The following VAV2 variants were observed in gnomAD, a reference collection of about 807,000 sequenced individuals.
VAV2 encodes the protein guanine nucleotide exchange factor VAV2.
Under a neutral mutation model 132.5 loss-of-function variants are expected in VAV2, and 67 were observed. The ratio of observed to expected loss-of-function variants is 0.51; its 90% confidence interval spans 0.42 to 0.62. The LOEUF is 0.62. Among genes scored for constraint, VAV2 ranks in the 20% least tolerant of loss-of-function variants. The pLI, the probability that VAV2 is intolerant of heterozygous loss-of-function variation, is 0.00. For synonymous variants in VAV2, 492 were observed against 443.5 expected, an observed-to-expected ratio of 1.11 and a Z score of -1.37; for missense variants, 938 against 1,153.6, an observed-to-expected ratio of 0.81 and a Z score of 2.71.
At position 133,919,790 on chromosome 9, in the gene VAV2, G is replaced by GT. The variant is rs1377579457; in HGVS notation, c.321+19312_321+19313insA. On this transcript the variant is annotated intron_variant, in intron 2 of 29. Coordinates refer to ENST00000371850, the MANE Select transcript of VAV2 (RefSeq NM_001134398.2). The surrounding 1 kb of genome is among the most constrained non-coding windows in gnomAD (Gnocchi z 5.8). ...TTGGCATCCGTGAGGCAGAGACATG[G>GT]AAGATGGAAGGTCCCCGCTGCCCCG... is the stretch of plus-strand genomic sequence containing the variant. Among the ~76,000 whole-genome samples, 1 of 152,168 alleles carries GT rather than the reference G, an allele frequency of 6.6e-6. No individual in the cohort carries two copies. Among genetic ancestry groups the GT allele is most frequent in the Non-Finnish European group, 1.5e-5 (1 of 68,018 alleles).
Position 133,838,327 on chromosome 9 carries a change from G to A in VAV2, c.381-3987C>T, listed in dbSNP as rs140760183. 8.6e-5 allele frequency among the ~76,000 whole-genome samples: 13 copies of A among 151,606 alleles called. No individual in the cohort carries two copies. In the South Asian group the frequency reaches 2.1e-3, roughly 24 times the overall value. ...GCCTCTGCCTAGCACAGTGCCTGGC[G>A]CTAGAAAGGCATGGATGAGTACATG... On this transcript the variant is annotated intron_variant, in intron 3 of 29. Transcript: ENST00000371850.
chr9:133,811,578 G>A (rs376654405), intron 5 of VAV2, among the ~76,000 whole-genome samples: 168 of 152,304 alleles, frequency 1.1e-3, no homozygotes, highest in African/African-American at 3.6e-3. Flanking sequence ...ATAAACCCAC[G>A]CGGAGCAAAC....
chr9:133,914,784 GGAGAGGAGGAGGAGA>G (rs1244034934), intron 2 of VAV2, among the ~76,000 whole-genome samples: 46 of 127,194 alleles, frequency 3.6e-4, no homozygotes, highest in South Asian at 6.7e-4. Context: ...GGACGGGAGG[GGAGAGGAGGAGGAGA>G]GGGGAAGGGA....
chr9:133,908,596 C>G (rs1009358581), intron 2 of VAV2, among the ~76,000 whole-genome samples: 1 of 152,110 alleles, frequency 6.6e-6, no homozygotes, highest in Non-Finnish European at 1.5e-5. Flanking sequence ...GCACCCTGCA[C>G]CAAGCCCAGA....
chr9:133,987,808 C>T (rs1164114200), intron 1 of VAV2, among the ~76,000 whole-genome samples: 4 of 152,176 alleles, frequency 2.6e-5, no homozygotes, highest in East Asian at 3.8e-4. Context: ...TGTGGCCATA[C>T]CCAATTAGTT....
At chr9:133,876,363 G>A (rs559892209) in intron 2 of VAV2, among the ~76,000 whole-genome samples, 2 of 152,266 alleles carry the variant, frequency 1.3e-5, no homozygotes, top group African/African-American at 4.8e-5. Context: ...GCGCTGTGGA[G>A]ACAAGAGTGG....
intron 3 of VAV2, among the ~76,000 whole-genome samples, chr9:133,845,753 G>C (rs1014687229): frequency 5.3e-5 from 8 of 152,232 alleles, no homozygotes; most frequent in Admixed American, 4.6e-4. Flanking sequence ...TATTCTCTCT[G>C]AGTCCACTGG....
At position 133,770,242 on chromosome 9, in the gene VAV2, G is replaced by A. The variant is rs182648760; in HGVS notation, c.2347+136C>T. The A allele has an allele frequency of 4.7e-3, 6,488 of 1,380,114 alleles. 76 individuals are homozygous for A. The Admixed American group carries it at 0.049, about 10-fold the overall frequency. 85.5% of individuals were successfully genotyped at this position (1,380,114 alleles called of 1,614,324 possible). A position where few individuals can be genotyped will look rare whatever the true frequency, so the allele number is the denominator to read the frequency against. ...ACATGACAGCATCTGCGATGGCTGG[G>A]GGAGGGGCGGGGGCTGTGTTCCCCA... On this transcript the variant is annotated intron_variant, in intron 27 of 29. Transcript: ENST00000371850.
chr9:133,846,446 G>C (rs1422161215), intron 3 of VAV2, among the ~76,000 whole-genome samples: 1 of 152,224 alleles, frequency 6.6e-6, no homozygotes, highest in African/African-American at 2.4e-5. Context: ...AGCCCCTTGA[G>C]GCCAGGCAGG....
At chr9:133,990,259 G>A (rs1002937705) in intron 1 of VAV2, among the ~76,000 whole-genome samples, 12 of 152,106 alleles carry the variant, frequency 7.9e-5, no homozygotes, top group Non-Finnish European at 1.6e-4. Flanking sequence ...CGGCCCAGCA[G>A]CGGGACCCCT....
At chr9:133,947,992 C>T (rs569878797) in intron 1 of VAV2, among the ~76,000 whole-genome samples, 8 of 152,192 alleles carry the variant, frequency 5.3e-5, no homozygotes, top group East Asian at 2.0e-4. Flanking sequence ...GCTTTCCCCA[C>T]GTTGGCCAGG....
At chr9:133,927,293 CT>C (rs1234413827) in intron 2 of VAV2, among the ~76,000 whole-genome samples, 4 of 152,192 alleles carry the variant, frequency 2.6e-5, no homozygotes, top group Non-Finnish European at 5.9e-5. Context: ...CCTCGGGACC[CT>C]TCTCAGCTGA....
At chr9:133,845,759 A>G (rs12341505) in intron 3 of VAV2, among the ~76,000 whole-genome samples, 20,870 of 152,240 alleles carry the variant, frequency 0.14, 1,542 homozygotes, top group African/African-American at 0.18. Context: ...CTCTGAGTCC[A>G]CTGGGATGGA....
chr9:133,814,511 G>C (rs1485681570), intron 4 of VAV2, among the ~76,000 whole-genome samples: 1 of 152,260 alleles, frequency 6.6e-6, no homozygotes, highest in Non-Finnish European at 1.5e-5. Context: ...GGCAGATGAG[G>C]CCACTCAGAC....
Position 133,908,425 on chromosome 9 carries a change from C to A in VAV2, c.321+30678G>T, listed in dbSNP as rs533765823. ...CAGTGGGGGCCCTCGGTCACTCAAC[C>A]TCACACCCTCTTCCCCTGGAAATCT... On this transcript the variant is annotated intron_variant, in intron 2 of 29. Transcript: ENST00000371850. Among the ~76,000 whole-genome samples, 21 of 152,246 alleles carry A rather than the reference C, an allele frequency of 1.4e-4. 1 individual carries two copies. The South Asian group carries it at 4.4e-3, about 32-fold the overall frequency.
At chr9:133,914,753 A>AGGGGAG (rs1840005476) in intron 2 of VAV2, among the ~76,000 whole-genome samples, 1 of 65,208 alleles carries the variant, frequency 1.5e-5, no homozygotes, top group African/African-American at 7.5e-5. Flanking sequence ...AGGGGAGGGG[A>AGGGGAG]GAGGAGAGGA....
intron 2 of VAV2, among the ~76,000 whole-genome samples, chr9:133,931,900 A>C (rs1232049092): frequency 6.6e-6 from 1 of 152,184 alleles, no homozygotes; most frequent in African/African-American, 2.4e-5. Flanking sequence ...GTTACCGTGC[A>C]CCAGTTGCTT....
chr9:133,895,054 C>T (rs1839142402), intron 2 of VAV2, among the ~76,000 whole-genome samples: 1 of 151,942 alleles, frequency 6.6e-6, no homozygotes, highest in South Asian at 2.1e-4. Context: ...TGGGAGAGGG[C>T]GGCAAGAAAG....
intron 2 of VAV2, among the ~76,000 whole-genome samples, chr9:133,870,418 G>C (rs190400079): frequency 3.9e-5 from 6 of 152,214 alleles, no homozygotes; most frequent in Non-Finnish European, 8.8e-5. Flanking sequence ...ATCAGGGCTC[G>C]AAAGTCATTT....
Sources: allele counts gnomAD v4.1 joint callset (sites outside exome capture counted in the v4.1 genomes callset), GRCh38; gene constraint gnomAD v4.1.1; non-coding constraint Gnocchi (gnomAD v3.1); transcripts MANE v1.5; gene names NCBI Gene and HGNC (gene_info 2026-07-23, HGNC 2026-07-21).